Variants in CSMD1 observed in about 807,000 individuals in gnomAD.
CSMD1 encodes the protein CUB and Sushi multiple domains 1.
In CSMD1, 213 loss-of-function variants were observed where a neutral mutation model predicts 417.5. The observed-to-expected ratio is 0.51, with a 90% CI of 0.46 to 0.57. The LOEUF is 0.57. Ranked by LOEUF, CSMD1 falls within the 20% of genes least tolerant of loss-of-function variation. The pLI, the probability that CSMD1 is intolerant of heterozygous loss-of-function variation, is 0.00. For synonymous variants in CSMD1, 2,862 were observed against 1,736.8 expected (o/e 1.65, Z -16.11); for missense variants, 6,923 against 4,529.7 (o/e 1.53, Z -15.17).
At position 3,243,215 on chromosome 8, in the gene CSMD1, G is replaced by A. The variant is rs1048390255; in HGVS notation, c.4154-12984C>T. On this transcript the variant is annotated intron_variant, in intron 26 of 69. Coordinates refer to ENST00000635120, the MANE Select transcript of CSMD1 (RefSeq NM_033225.6). ...AGATGTTCCTTGGGGTGGTGGGTCT[G>A]AGGACCCGTGGTGGTAGGTGGATCT... Among the ~76,000 whole-genome samples, 12 of 152,140 alleles carry A rather than the reference G, an allele frequency of 7.9e-5. 1 individual carries two copies. Among genetic ancestry groups the A allele is most frequent in the Admixed American group, 2.6e-4 (4 of 15,268 alleles).
chr8:4,062,866 C>G (rs773614393), intron 3 of CSMD1, among the ~76,000 whole-genome samples: 41 of 151,554 alleles, frequency 2.7e-4, no homozygotes, highest in Non-Finnish European at 5.4e-4. Flanking sequence ...GAAATGAAAG[C>G]CTGTACGTAA....
chr8:3,301,110 T>C (rs2117340295), intron 25 of CSMD1, among the ~76,000 whole-genome samples: 1 of 152,212 alleles, frequency 6.6e-6, no homozygotes, highest in African/African-American at 2.4e-5. Context: ...AGGGGAATAA[T>C]ACATGATTTC....
rs1051360828 is a variant in CSMD1 at position 4,850,207 on chromosome 8, G to C, written c.85+144125C>G. Among the ~76,000 whole-genome samples, 3 of 151,758 alleles carry C rather than the reference G, an allele frequency of 2.0e-5. No individual in the cohort carries two copies. In the East Asian group the frequency reaches 5.8e-4, roughly 29 times the overall value. ...AGATCATTAACCTATTTTTTAACTGGGTTATCTGTCATTTTATTACTGAGC... is the reference window on the plus strand; with the variant it reads ...AGATCATTAACCTATTTTTTAACTGCGTTATCTGTCATTTTATTACTGAGC... On this transcript the variant is annotated intron_variant, in intron 1 of 69. Coordinates refer to ENST00000635120, the MANE Select transcript of CSMD1 (RefSeq NM_033225.6).
intron 39 of CSMD1, among the ~76,000 whole-genome samples, chr8:3,153,850 G>A (rs563322440): frequency 6.6e-6 from 1 of 152,300 alleles, no homozygotes; most frequent in African/African-American, 2.4e-5. Context: ...AATTACTTGA[G>A]AGCTTAGTTA....
At chr8:3,436,919 G>T (rs141145149) in intron 12 of CSMD1, among the ~76,000 whole-genome samples, 2 of 151,896 alleles carry the variant, frequency 1.3e-5, no homozygotes, top group African/African-American at 2.4e-5. Flanking sequence ...CTTTATGTAT[G>T]GCTTCTCCAA....
At chr8:4,962,707 T>C (rs1809588099) in intron 1 of CSMD1, among the ~76,000 whole-genome samples, 1 of 152,160 alleles carries the variant, frequency 6.6e-6, no homozygotes, top group Admixed American at 6.5e-5. Context: ...ATGTGCAAGA[T>C]TGATGGATGG....
rs566286146 is a variant in CSMD1, at chr8:3,230,688, T to C, written c.4154-457A>G. ...GGTGATCCAATAACCTTTGTTGAGATGCCAAGGGTGGAAGGTCTAGAGGAG... is the reference window on the plus strand; with the variant it reads ...GGTGATCCAATAACCTTTGTTGAGACGCCAAGGGTGGAAGGTCTAGAGGAG... On this transcript the variant is annotated intron_variant, in intron 26 of 69. Coordinates refer to ENST00000635120, the MANE Select transcript of CSMD1 (RefSeq NM_033225.6). Among the ~76,000 whole-genome samples, 190 of 152,264 alleles carry C rather than the reference T, an allele frequency of 1.2e-3. 1 individual carries two copies. The highest frequency in any genetic ancestry group is 2.0e-3 in the Non-Finnish European group (136 of 68,024).
rs541735629 is a variant in CSMD1, at chr8:4,892,404, C to T, written c.85+101928G>A. On this transcript the variant is annotated intron_variant, in intron 1 of 69. Transcript: ENST00000635120. ...GGAGTTGAGAATCCTGAGCTTACAG[C>T]CCTGCGTCCTGTGTCCCTCTACTGC... is the stretch of plus-strand genomic sequence containing the variant. 4.0e-4 allele frequency among the ~76,000 whole-genome samples: 61 copies of T among 152,126 alleles called. No individual in the cohort carries two copies. In the South Asian group the frequency reaches 0.012, roughly 30 times the overall value.
At chr8:4,446,077 A>G (rs892778114) in intron 2 of CSMD1, among the ~76,000 whole-genome samples, 7 of 152,206 alleles carry the variant, frequency 4.6e-5, no homozygotes, top group Non-Finnish European at 1.0e-4. Flanking sequence ...TCATAGGCGG[A>G]AGGGCTCCGT....
At chr8:2,969,818 G>A (rs1804286413) in intron 57 of CSMD1, among the ~76,000 whole-genome samples, 1 of 152,178 alleles carries the variant, frequency 6.6e-6, no homozygotes, top group Admixed American at 6.5e-5. Flanking sequence ...GTGTGTGTGT[G>A]TTCAGTCACT....
intron 5 of CSMD1, among the ~76,000 whole-genome samples, chr8:3,879,724 T>A (rs1047700447): frequency 6.9e-6 from 1 of 145,742 alleles, no homozygotes; most frequent in Non-Finnish European, 1.5e-5. Context: ...CTAACCTACA[T>A]AGAAAAAGTG....
At chr8:3,122,665 G>T (rs187527283) in intron 41 of CSMD1, among the ~76,000 whole-genome samples, 1 of 152,074 alleles carries the variant, frequency 6.6e-6, no homozygotes, top group Admixed American at 6.5e-5. Flanking sequence ...TTTATCAGGG[G>T]TTTCCACTTT....
chr8:4,663,871 G>A (rs757417325), intron 1 of CSMD1, among the ~76,000 whole-genome samples: 1 of 152,148 alleles, frequency 6.6e-6, no homozygotes, highest in African/African-American at 2.4e-5. Context: ...ACCTGGGCTG[G>A]ATCAGGAAAA....
At chr8:3,711,517 A>T (rs950877625) in intron 6 of CSMD1, among the ~76,000 whole-genome samples, 2 of 152,154 alleles carry the variant, frequency 1.3e-5, no homozygotes, top group African/African-American at 4.8e-5. Context: ...TCAGAGAGGG[A>T]CTTGCTCTGG....
intron 3 of CSMD1, among the ~76,000 whole-genome samples, chr8:4,037,827 T>C (rs533526194): frequency 7.8e-4 from 118 of 152,140 alleles, no homozygotes; most frequent in Non-Finnish European, 1.4e-3. Context: ...TGTTTGTATA[T>C]AAATATTAAT....
intron 5 of CSMD1, among the ~76,000 whole-genome samples, chr8:3,946,989 T>A (rs1309503594): frequency 2.6e-5 from 4 of 152,160 alleles, no homozygotes; most frequent in African/African-American, 9.7e-5. Context: ...TATAAATAAA[T>A]ACGTTGGATC....
At chr8:3,843,126 T>A (rs1803242175) in intron 5 of CSMD1, among the ~76,000 whole-genome samples, 1 of 152,196 alleles carries the variant, frequency 6.6e-6, no homozygotes, top group African/African-American at 2.4e-5. Flanking sequence ...GAATAAATGA[T>A]TCCATAGCAC....
chr8:4,355,890 G>A (rs757307764), intron 3 of CSMD1, among the ~76,000 whole-genome samples: 6 of 152,122 alleles, frequency 3.9e-5, no homozygotes, highest in South Asian at 4.2e-4. Context: ...TTTAAACAGC[G>A]CAGGTGAGTC....
intron 26 of CSMD1, among the ~76,000 whole-genome samples, chr8:3,242,824 G>A (rs79858155): frequency 2.3e-5 from 2 of 87,642 alleles, no homozygotes; most frequent in Admixed American, 1.2e-4. Flanking sequence ...ATAAGGGGTT[G>A]GGGCGCAGAT....
Sources: gnomAD v4.1 joint callset for allele counts (sites outside exome capture counted in the v4.1 genomes callset) on GRCh38, gnomAD v4.1.1 for gene constraint, MANE v1.5 for transcripts, NCBI Gene and HGNC (gene_info 2026-07-23, HGNC 2026-07-21) for gene names.